Variants in EIF3H observed in about 807,000 individuals in gnomAD.
EIF3H encodes the protein eukaryotic translation initiation factor 3 subunit H, also known as eIF-3-gamma.
A neutral mutation model predicts 44.2 loss-of-function variants in EIF3H; 26 were observed. The observed-to-expected ratio is 0.59, with a 90% CI of 0.43 to 0.82. The LOEUF is 0.82. Ranked by LOEUF, EIF3H falls within the 40% of genes least tolerant of loss-of-function variation. The pLI is 0.00. For missense variants in EIF3H, 359 were observed against 432.8 expected, an observed-to-expected ratio of 0.83 and a Z score of 1.51; for synonymous variants, 166 against 151.9, an observed-to-expected ratio of 1.09 and a Z score of -0.68.
At chr8:116,706,488 G>A (rs1814471984) in intron 2 of EIF3H, among the ~76,000 whole-genome samples, 1 of 151,962 alleles carries the variant, frequency 6.6e-6, no homozygotes, top group African/African-American at 2.4e-5. Context: ...TTTCAATACA[G>A]CATTCAATAA....
intron 5 of EIF3H, among the ~76,000 whole-genome samples, chr8:116,655,609 A>C (rs1372689196): frequency 2.0e-5 from 3 of 152,176 alleles, no homozygotes; most frequent in Non-Finnish European, 4.4e-5. Flanking sequence ...ACAGCAAAGA[A>C]GGCAGCAGAG....
At chr8:116,665,054 C>T (rs1400098849) in intron 2 of EIF3H, among the ~76,000 whole-genome samples, 4 of 152,106 alleles carry the variant, frequency 2.6e-5, no homozygotes, top group Non-Finnish European at 5.9e-5. Context: ...AAGCTGTTTA[C>T]CACAGCTATT....
intron 4 of EIF3H, among the ~76,000 whole-genome samples, 175 bp downstream of exon 4, chr8:116,657,040 G>T (rs1271828828): frequency 6.6e-6 from 1 of 152,048 alleles, no homozygotes; most frequent in Non-Finnish European, 1.5e-5. Flanking sequence ...ATTCCCTAAA[G>T]AATAATTTAA....
chr8:116,677,142 T>C (rs895451303), intron 2 of EIF3H, among the ~76,000 whole-genome samples: 4 of 152,214 alleles, frequency 2.6e-5, no homozygotes, highest in African/African-American at 4.8e-5. Context: ...TGACGGTCTC[T>C]ATATTTAGAA....
At chr8:116,743,796 AT>A (rs770953632) in intron 1 of EIF3H, among the ~76,000 whole-genome samples, 14,186 of 98,836 alleles carry the variant, frequency 0.14, 937 homozygotes, top group African/African-American at 0.23. Flanking sequence ...ATATATATAT[AT>A]AAACACACAC....
At chr8:116,716,311 C>T (rs555204285) in intron 2 of EIF3H, among the ~76,000 whole-genome samples, 5 of 152,018 alleles carry the variant, frequency 3.3e-5, no homozygotes, top group Non-Finnish European at 7.4e-5. Flanking sequence ...TTCCACAATG[C>T]CTAGTCACAG....
At chr8:116,695,651 C>T (rs1814258228) in intron 2 of EIF3H, among the ~76,000 whole-genome samples, 1 of 152,068 alleles carries the variant, frequency 6.6e-6, no homozygotes, top group South Asian at 2.1e-4. Flanking sequence ...CACAAGGAGT[C>T]AGCATCTGAG....
At chr8:116,732,125 T>C (rs1203618528) in intron 1 of EIF3H, among the ~76,000 whole-genome samples, 2 of 152,166 alleles carry the variant, frequency 1.3e-5, no homozygotes, top group African/African-American at 4.8e-5. Context: ...AGTTTTCTAC[T>C]ATTGTTCATT....
chr8:116,659,575 T>C (rs998068379), intron 2 of EIF3H, among the ~76,000 whole-genome samples: 1 of 152,196 alleles, frequency 6.6e-6, no homozygotes. Flanking sequence ...TAAAGAATTA[T>C]TTTTTCTTGT....
At position 116,755,814 on chromosome 8, in the gene EIF3H, G is replaced by A. The variant is rs369638111; in HGVS notation, c.-17C>T. The A allele has an allele frequency of 1.4e-5, 23 of 1,611,690 alleles. No individual in the cohort carries two copies. The African/African-American group carries it at 1.5e-4, about 10-fold the overall frequency. On this transcript the variant is annotated 5_prime_UTR_variant, in exon 1 of 8. Transcript: ENST00000521861. ...GGACGCCATCTTTCCAAGCAGACAG[G>A]AAGAAAGAGAAACGTGAGTTACCGG...
At chr8:116,708,608 T>C (rs900024044) in intron 2 of EIF3H, among the ~76,000 whole-genome samples, 1 of 152,154 alleles carries the variant, frequency 6.6e-6, no homozygotes, top group Non-Finnish European at 1.5e-5. Flanking sequence ...CTGTGATTAG[T>C]GTAATTCATT....
chr8:116,704,489 T>G (rs954456777), intron 2 of EIF3H, among the ~76,000 whole-genome samples: 2 of 152,206 alleles, frequency 1.3e-5, no homozygotes, highest in Non-Finnish European at 2.9e-5. Flanking sequence ...TTCTCTAGCT[T>G]AAAAGATAGA....
chr8:116,667,373 C>T (rs1461679974), intron 2 of EIF3H, among the ~76,000 whole-genome samples: 1 of 151,710 alleles, frequency 6.6e-6, no homozygotes, highest in Non-Finnish European at 1.5e-5. Flanking sequence ...GCTTGATTTG[C>T]CTTTCCTATA....
At chr8:116,685,836 A>T (rs905170496) in intron 2 of EIF3H, among the ~76,000 whole-genome samples, 6 of 152,208 alleles carry the variant, frequency 3.9e-5, no homozygotes, top group Non-Finnish European at 7.4e-5. Context: ...AAAAGCCCCT[A>T]CTGTGTCATG....
chr8:116,656,496 AT>A (rs1813492949), intron 4 of EIF3H, among the ~76,000 whole-genome samples: 1 of 152,180 alleles, frequency 6.6e-6, no homozygotes, highest in South Asian at 2.1e-4. Context: ...TTTCTCATAG[AT>A]TAGTTATAAC....
At chr8:116,751,068 C>T (rs1413809876) in intron 1 of EIF3H, among the ~76,000 whole-genome samples, 7 of 151,476 alleles carry the variant, frequency 4.6e-5, no homozygotes, top group African/African-American at 1.7e-4. Flanking sequence ...AAAAATTAGC[C>T]GGGCGTAGTG....
intron 5 of EIF3H, among the ~76,000 whole-genome samples, chr8:116,653,348 A>AACACACACACACACACAC (rs771922316): frequency 0.12 from 16,862 of 144,502 alleles, 1,182 homozygotes; most frequent in East Asian, 0.32. Flanking sequence ...AACAATCAGA[A>AACACACACACACACACAC]ACACACACAC....
At position 116,755,705 on chromosome 8, in the gene EIF3H, C is replaced by G; in HGVS notation, c.93G>C (p.Ser31=). 1 of 1,613,994 alleles carries G rather than the reference C, an allele frequency of 6.2e-7. No homozygotes were observed. The highest frequency in any genetic ancestry group is 2.2e-5 in the East Asian group (1 of 44,884). The change falls in exon 1 of 8, where the codon TCG becomes TCC. Residue 31 remains serine (S), a synonymous_variant. Transcript: ENST00000521861. The stretch of plus-strand genomic sequence containing the variant: ...GCACTTGCTTCACGGCTGAATCTCC[C>G]GAGCCGCCTTTGCCTTTGCCTTTCC... ...AAGKGKGKGG[S]GDSAVKQVQI... is the part of the protein sequence containing the mutation.
chr8:116,734,683 G>A (rs753413025), intron 1 of EIF3H, among the ~76,000 whole-genome samples: 4 of 152,090 alleles, frequency 2.6e-5, no homozygotes, highest in Non-Finnish European at 4.4e-5. Flanking sequence ...AGCCTCCCTA[G>A]TAGCTGGAAT....
Sources: gnomAD v4.1 joint callset for allele counts (sites outside exome capture counted in the v4.1 genomes callset) on GRCh38, gnomAD v4.1.1 for gene constraint, MANE v1.5 for transcripts, NCBI Gene and HGNC (gene_info 2026-07-23, HGNC 2026-07-21) for gene names.